Variants in TSHR observed in about 807,000 individuals in gnomAD.
The protein encoded by TSHR is thyroid stimulating hormone receptor.
Under a neutral mutation model 64.1 loss-of-function variants are expected in TSHR, and 51 were observed. That is an observed-to-expected ratio of 0.80 (90% CI 0.64 to 1.01). TSHR has a LOEUF of 1.01. Ranked by LOEUF, TSHR falls within the 50% of genes least tolerant of loss-of-function variation. The probability of loss-of-function intolerance (pLI) is 0.00; values close to 1 mark genes in which losing one functional copy is unlikely to be tolerated. For synonymous variants in TSHR, 361 were observed against 361.9 expected, an observed-to-expected ratio of 1.00 and a Z score of 0.03; for missense variants, 877 against 942.8, an observed-to-expected ratio of 0.93 and a Z score of 0.91.
chr14:81,056,960 T>A (rs1242564243), intron 1 of TSHR, among the ~76,000 whole-genome samples: 1 of 152,218 alleles, frequency 6.6e-6, no homozygotes, highest in Admixed American at 6.5e-5. Flanking sequence ...TATTTTATTT[T>A]AAAAAATAGT....
rs189326561 is a variant in TSHR at position 81,047,021 on chromosome 14, G to A, written c.171-15127G>A. ...TTCCTCAGATAAGCAAAAGTTGAGC[G>A]AAGTCATTTCCACCAGACCTGTACT... On this transcript the variant is annotated intron_variant, in intron 1 of 9. Coordinates refer to ENST00000298171, the MANE Select transcript of TSHR (RefSeq NM_000369.5). Among the ~76,000 whole-genome samples the A allele has an allele frequency of 2.3e-3, 354 of 152,182 alleles. 1 individual carries two copies. Among genetic ancestry groups the A allele is most frequent in the Non-Finnish European group, 4.4e-3 (297 of 67,994 alleles).
At chr14:81,007,218 T>C (rs538338696) in intron 1 of TSHR, among the ~76,000 whole-genome samples, 1 of 152,286 alleles carries the variant, frequency 6.6e-6, no homozygotes, top group African/African-American at 2.4e-5. Flanking sequence ...AACCAGAGCT[T>C]GATTTATACT....
intron 8 of TSHR, among the ~76,000 whole-genome samples, chr14:81,130,180 A>C (rs962886153): frequency 6.6e-6 from 1 of 152,206 alleles, no homozygotes; most frequent in African/African-American, 2.4e-5. Flanking sequence ...AAATATTTAT[A>C]ATTTTAAAAT....
intron 1 of TSHR, among the ~76,000 whole-genome samples, chr14:80,963,266 AT>A (rs946348249): frequency 2.0e-5 from 3 of 152,334 alleles, no homozygotes; most frequent in African/African-American, 7.2e-5. Context: ...AAGCTAAAAA[AT>A]GTTTATTAAT....
rs752495270 is a variant in TSHR, at chr14:81,144,360, A to G, written c.*7A>G. 4.3e-6 allele frequency: 7 copies of G among 1,613,380 alleles called. No homozygotes were observed. In the Admixed American group the frequency reaches 8.3e-5, roughly 19 times the overall value. ...TATGCAAACGGTTTTGTAAGTTAACACTACACTACTCACAATGGTAGGGGA... is the reference window on the plus strand; with the variant it reads ...TATGCAAACGGTTTTGTAAGTTAACGCTACACTACTCACAATGGTAGGGGA... On this transcript the variant is annotated 3_prime_UTR_variant, in exon 10 of 10. Coordinates refer to ENST00000298171, the MANE Select transcript of TSHR (RefSeq NM_000369.5).
At chr14:81,080,104 C>T (rs921542401) in intron 3 of TSHR, among the ~76,000 whole-genome samples, 1 of 152,052 alleles carries the variant, frequency 6.6e-6, no homozygotes, top group African/African-American at 2.4e-5. Flanking sequence ...AGGCGTGTGC[C>T]ACCATGCCCA....
At chr14:81,032,273 A>C (rs1249367488) in intron 1 of TSHR, among the ~76,000 whole-genome samples, 1 of 152,142 alleles carries the variant, frequency 6.6e-6, no homozygotes, top group African/African-American at 2.4e-5. Flanking sequence ...AGTGAGGCCA[A>C]GAGGGTCTTT....
At chr14:81,113,676 G>T (rs1267453755) in intron 8 of TSHR, among the ~76,000 whole-genome samples, 1 of 151,570 alleles carries the variant, frequency 6.6e-6, no homozygotes, top group Admixed American at 6.6e-5. Context: ...GTGATCATGT[G>T]AGTAAATGAT....
chr14:81,142,811 T>C (rs939346029), intron 9 of TSHR, 129 bp from the exon 10 acceptor site: 3 of 789,252 alleles, frequency 3.8e-6, no homozygotes, highest in Non-Finnish European at 6.7e-6. Context: ...GATTTCACCA[T>C]GTTGCCCAGG....
intron 1 of TSHR, chr14:81,049,400 T>C (rs1274900042): frequency 2.6e-5 from 4 of 152,210 alleles, no homozygotes; most frequent in Admixed American, 6.5e-5. Flanking sequence ...ATATGTACTT[T>C]ATAATGAAAA....
intron 8 of TSHR, among the ~76,000 whole-genome samples, chr14:81,124,820 T>C (rs1325780632): frequency 6.6e-6 from 1 of 152,216 alleles, no homozygotes; most frequent in Non-Finnish European, 1.5e-5. Flanking sequence ...CAGCTATTTG[T>C]ATATTTTCTT....
chr14:81,003,957 T>C (rs1889469761), intron 1 of TSHR, among the ~76,000 whole-genome samples: 1 of 152,174 alleles, frequency 6.6e-6, no homozygotes, highest in South Asian at 2.1e-4. Flanking sequence ...ACTAAGGGCT[T>C]GTACTAACTA....
At chr14:81,014,660 C>A (rs960824948) in intron 1 of TSHR, among the ~76,000 whole-genome samples, 17 of 152,270 alleles carry the variant, frequency 1.1e-4, no homozygotes, top group Admixed American at 7.8e-4. Context: ...AGAATGGCAA[C>A]CAAACCAAGG....
rs190700944 is a variant in TSHR, at chr14:81,125,794, G to T, written c.693-13885G>T. 2.6e-5 allele frequency among the ~76,000 whole-genome samples: 4 copies of T among 152,074 alleles called. No individual in the cohort carries two copies. In the East Asian group the frequency reaches 7.7e-4, roughly 29 times the overall value. The stretch of plus-strand genomic sequence containing the variant: ...CTGCCGTCTTGCACACCTAGCTTGG[G>T]CACCAAGCCAGACCCATGCCAAAGG... On this transcript the variant is annotated intron_variant, in intron 8 of 9. Coordinates refer to ENST00000298171, the MANE Select transcript of TSHR (RefSeq NM_000369.5).
At chr14:81,051,556 G>T (rs531504387) in intron 1 of TSHR, 1 of 152,104 alleles carries the variant, frequency 6.6e-6, no homozygotes, top group African/African-American at 2.4e-5. Context: ...TTATTCCTTT[G>T]GGTGGCATAG....
intron 1 of TSHR, chr14:81,050,351 T>C (rs1028322193): frequency 6.6e-6 from 1 of 152,190 alleles, no homozygotes; most frequent in African/African-American, 2.4e-5. Context: ...CCTGAGAACA[T>C]TTTTTAAAAT....
At chr14:81,062,007 G>A (rs1426081050) in intron 1 of TSHR, 141 bp from the exon 2 acceptor site, 4 of 690,166 alleles carry the variant, frequency 5.8e-6, no homozygotes, top group Non-Finnish European at 9.7e-6. Flanking sequence ...TGTTTGTTGA[G>A]TATTATTTTT....
intron 1 of TSHR, among the ~76,000 whole-genome samples, chr14:81,031,434 C>A (rs1594975019): frequency 6.6e-6 from 1 of 151,800 alleles, no homozygotes; most frequent in South Asian, 2.1e-4. Context: ...TATGTATTGT[C>A]TAGGAATTAT....
At chr14:81,009,650 T>C (rs2139774435) in intron 1 of TSHR, among the ~76,000 whole-genome samples, 1 of 152,332 alleles carries the variant, frequency 6.6e-6, no homozygotes, top group Admixed American at 6.5e-5. Flanking sequence ...TATCATTCTA[T>C]AGCTTACTTT....
Sources: gnomAD v4.1 joint callset for allele counts (sites outside exome capture counted in the v4.1 genomes callset) on GRCh38, gnomAD v4.1.1 for gene constraint, MANE v1.5 for transcripts, NCBI Gene and HGNC (gene_info 2026-07-23, HGNC 2026-07-21) for gene names.